GALNT9: variants seen among roughly 807,000 people sequenced by gnomAD.
GALNT9 encodes the protein GalNAc transferase 9.
A neutral mutation model predicts 63.1 loss-of-function variants in GALNT9; 47 were observed. That is an observed-to-expected ratio of 0.75 (90% CI 0.59 to 0.95). The LOEUF is 0.95. Among genes scored for constraint, GALNT9 ranks in the 40% least tolerant of loss-of-function variants. The pLI, the probability that GALNT9 is intolerant of heterozygous loss-of-function variation, is 0.00. For missense variants in GALNT9, 829 were observed against 874.8 expected, an observed-to-expected ratio of 0.95 and a Z score of 0.66; for synonymous variants, 396 against 365.7, an observed-to-expected ratio of 1.08 and a Z score of -0.94.
chr12:132,269,508 C>T lies in GALNT9; in HGVS notation c.420-6883G>A, dbSNP rs533660990. The stretch of plus-strand genomic sequence containing the variant: ...GGTGGAGGGGCGTCAGGGAGGAGCC[C>T]GTGCCGGTCCCGAGCCCAGGGCGGG... On this transcript the variant is annotated intron_variant, in intron 2 of 10. Transcript: ENST00000328957. Among the ~76,000 whole-genome samples the T allele has an allele frequency of 3.6e-4, 54 of 151,506 alleles. 2 individuals carry two copies. Among genetic ancestry groups the T allele is most frequent in the African/African-American group, 1.2e-3 (49 of 41,300 alleles).
chr12:132,199,707 CCT>C (rs1875850799), intron 8 of GALNT9, among the ~76,000 whole-genome samples: 1 of 152,180 alleles, frequency 6.6e-6, no homozygotes, highest in Admixed American at 6.5e-5. Context: ...CCCTGACAGC[CCT>C]CTGAGAACAA....
intron 6 of GALNT9, among the ~76,000 whole-genome samples, chr12:132,222,666 A>G (rs1006744192): frequency 1.3e-5 from 2 of 151,936 alleles, no homozygotes; most frequent in Non-Finnish European, 2.9e-5. Flanking sequence ...GAGACGCCGC[A>G]GAGGCACTTC....
At chr12:132,227,801 G>A (rs1402154260) in intron 6 of GALNT9, among the ~76,000 whole-genome samples, 1 of 152,086 alleles carries the variant, frequency 6.6e-6, no homozygotes, top group African/African-American at 2.4e-5. Flanking sequence ...GGCAGAGGCA[G>A]GGTCCAAAGG....
chr12:132,321,193 CTGTTG>C (rs1868771409), intron 1 of GALNT9, among the ~76,000 whole-genome samples: 1 of 151,248 alleles, frequency 6.6e-6, no homozygotes, highest in Non-Finnish European at 1.5e-5. Context: ...GTCGAGGCCC[CTGTTG>C]GTCCAGAGTC....
Position 132,315,903 on chromosome 12 carries a change from A to G in GALNT9, c.238+13063T>C, listed in dbSNP as rs1277262237. On this transcript the variant is annotated intron_variant, in intron 1 of 10. Transcript: ENST00000328957. The surrounding 1 kb of genome is among the most constrained non-coding windows in gnomAD (Gnocchi z 6.1). The stretch of plus-strand genomic sequence containing the variant: ...GTGCTGGGCCCATTCCGAGATGCCA[A>G]TGGGGACTTGGAGCATGAGAAAGCG... Among the ~76,000 whole-genome samples, 2 of 152,166 alleles carry G rather than the reference A, an allele frequency of 1.3e-5. No individual in the cohort carries two copies. Among genetic ancestry groups the G allele is most frequent in the Non-Finnish European group, 2.9e-5 (2 of 68,022 alleles).
chr12:132,247,444 C>A, intron 6 of GALNT9: 1 of 369,334 alleles, frequency 2.7e-6, no homozygotes, highest in Admixed American at 3.4e-5. Context: ...TCTCACTGTC[C>A]CCAACTCCAG....
intron 1 of GALNT9, among the ~76,000 whole-genome samples, chr12:132,298,747 C>G (rs111321504): frequency 6.7e-6 from 1 of 148,768 alleles, no homozygotes; most frequent in African/African-American, 2.5e-5. Flanking sequence ...CTAACCCACT[C>G]CCACCACACC....
intron 1 of GALNT9, among the ~76,000 whole-genome samples, chr12:132,322,910 C>T (rs1046474401): frequency 3.9e-5 from 6 of 152,192 alleles, no homozygotes; most frequent in African/African-American, 4.8e-5. Flanking sequence ...AGTGGCGGGG[C>T]GGCCATCGCT....
intron 2 of GALNT9, chr12:132,278,289 C>G (rs1566010139): frequency 6.6e-6 from 1 of 152,210 alleles, no homozygotes. Flanking sequence ...ATGCAGACTT[C>G]TGAGTTTAAA....
intron 1 of GALNT9, among the ~76,000 whole-genome samples, chr12:132,297,706 G>A (rs1360319859): frequency 5.3e-5 from 8 of 151,280 alleles, no homozygotes; most frequent in African/African-American, 1.9e-4. Context: ...TCGTTCCCAA[G>A]ATAAGCAAGC....
chr12:132,226,625 C>T (rs1463720123), intron 6 of GALNT9, among the ~76,000 whole-genome samples: 2 of 137,690 alleles, frequency 1.5e-5, no homozygotes, highest in Non-Finnish European at 3.1e-5. Context: ...TGTATATACA[C>T]ACCCCACATG....
chr12:132,329,569 A>C lies in GALNT9; in HGVS notation c.-366T>G. 6.9e-6 allele frequency among the ~76,000 whole-genome samples: 1 copy of C among 145,806 alleles called. No individual in the cohort carries two copies. Among genetic ancestry groups the C allele is most frequent in the South Asian group, 2.1e-4 (1 of 4,680 alleles). On this transcript the variant is annotated 5_prime_UTR_variant, in exon 1 of 11. Coordinates refer to ENST00000328957, the MANE Select transcript of GALNT9 (RefSeq NM_001122636.2). ...CTCCTGTCCTGCCCGCCCCGCAGCC[A>C]CCGCGCCGGTGCAGAGTGACGCGGC...
At chr12:132,225,842 AC>A (rs1326657069) in intron 6 of GALNT9, among the ~76,000 whole-genome samples, 19 of 99,388 alleles carry the variant, frequency 1.9e-4, no homozygotes, top group Middle Eastern at 6.4e-3. Flanking sequence ...ACACCACACA[AC>A]CCACACCCCA....
intron 9 of GALNT9, among the ~76,000 whole-genome samples, chr12:132,198,186 G>A (rs1875684753): frequency 1.3e-5 from 2 of 152,248 alleles, no homozygotes; most frequent in African/African-American, 4.8e-5. Flanking sequence ...CCAGGCTCCC[G>A]GCTTGCACAG....
In GALNT9 at chr12:132,197,960, C is replaced by T; in HGVS notation, c.1498-1G>A. On this transcript the variant is annotated splice_acceptor_variant, in intron 9 of 10. Transcript: ENST00000328957. LOFTEE classifies it high-confidence loss of function. ...GTCCATCAGCGCTGTACCGCACCAG[C>T]TGGGGACAGGACCACCGGGACTGTG... 2 of 1,606,024 alleles carry T rather than the reference C, an allele frequency of 1.2e-6. No individual in the cohort carries two copies. The highest frequency in any genetic ancestry group is 1.7e-5 in the Admixed American group (1 of 59,648).
chr12:132,262,725 T>C, intron 2 of GALNT9, 100 bp from the exon 3 acceptor site: 1 of 1,442,534 alleles, frequency 6.9e-7, no homozygotes. Flanking sequence ...CGGTTTGGGG[T>C]GCGGTCAGGG....
chr12:132,291,748 C>G (rs1411085665), intron 1 of GALNT9, among the ~76,000 whole-genome samples: 1 of 152,234 alleles, frequency 6.6e-6, no homozygotes, highest in East Asian at 1.9e-4. Context: ...TGTGCTGGCA[C>G]CCCTGGAGAC....
intron 6 of GALNT9, among the ~76,000 whole-genome samples, chr12:132,212,156 C>A (rs1331095373): frequency 6.6e-6 from 1 of 150,636 alleles, no homozygotes; most frequent in Non-Finnish European, 1.5e-5. Flanking sequence ...AGCCTTCACA[C>A]CACGACACGG....
In GALNT9 at chr12:132,245,200, G is replaced by A. The variant is rs1433012501; in HGVS notation, c.1077+2710C>T. On this transcript the variant is annotated intron_variant, in intron 6 of 10. Transcript: ENST00000328957. This position sits in a 1 kb window ranked among gnomAD's most constrained non-coding sequence, Gnocchi z 6.3. ...TTCACACCTGGAATCCCAGCACTGT[G>A]GGAGGCAGAGGCGGGCAGATCACCT... is the stretch of plus-strand genomic sequence containing the variant. 4.6e-5 allele frequency among the ~76,000 whole-genome samples: 7 copies of A among 152,064 alleles called. No individual in the cohort carries two copies. In the East Asian group the frequency reaches 1.4e-3, roughly 29 times the overall value.
Sources: gnomAD v4.1 joint callset for allele counts (sites outside exome capture counted in the v4.1 genomes callset) on GRCh38, gnomAD v4.1.1 for gene constraint, Gnocchi (gnomAD v3.1) non-coding constraint, MANE v1.5 for transcripts, NCBI Gene and HGNC (gene_info 2026-07-23, HGNC 2026-07-21) for gene names.